OVCH1: variants seen among roughly 807,000 people sequenced by gnomAD.
The protein encoded by OVCH1 is ovochymase-1.
A neutral mutation model predicts 138.4 loss-of-function variants in OVCH1; 139 were observed. That is an observed-to-expected ratio of 1.00 (90% confidence interval 0.87 to 1.16). The LOEUF (loss-of-function observed/expected upper bound fraction) is 1.16, where lower values mean the gene tolerates loss of function less well. Ranked by LOEUF, OVCH1 falls within the 50% of genes most tolerant of loss-of-function variation. OVCH1 has a pLI of 0.00. For missense variants in OVCH1, 1,367 were observed against 1,357.9 expected (o/e 1.01, Z -0.11); for synonymous variants, 453 against 467.8 (o/e 0.97, Z 0.41).
rs1555151632 is a variant in OVCH1, at chr12:29,476,749, A to ATG, written c.1377+352_1377+353insCA. ...GCATTGCCAAGCAGCATAAGTACAC[A>ATG]CGCGCGCACACACACACACACACAC... is the stretch of plus-strand genomic sequence containing the variant. On this transcript the variant is annotated intron_variant, in intron 12 of 27. Coordinates refer to ENST00000318184, the Ensembl canonical transcript of OVCH1. Among the ~76,000 whole-genome samples, 12 of 17,200 alleles carry ATG rather than the reference A, an allele frequency of 7.0e-4. 1 individual carries two copies. In the East Asian group the frequency reaches 0.015, roughly 22 times the overall value. 11.3% of individuals were successfully genotyped at this position (17,200 alleles called of 152,430 possible).
downstream of OVCH1, chr12:29,425,850 A>C (rs1278563181): frequency 1.0e-5 from 1 of 95,764 alleles, no homozygotes; most frequent in African/African-American, 6.9e-5. Context: ...TATATTTAAA[A>C]AGAATTATGA....
At chr12:29,436,090 AATT>A (rs1208080744) in intron 26 of OVCH1, among the ~76,000 whole-genome samples, 5 of 152,074 alleles carry the variant, frequency 3.3e-5, no homozygotes, top group Non-Finnish European at 5.9e-5. Flanking sequence ...TTATTTTAAA[AATT>A]ATGTGACAAT....
At chr12:29,441,267 CAG>C (rs1228454202) in intron 25 of OVCH1, among the ~76,000 whole-genome samples, 2 of 152,148 alleles carry the variant, frequency 1.3e-5, no homozygotes, top group Non-Finnish European at 2.9e-5. Flanking sequence ...GGTACCAAAA[CAG>C]AGATATAGAT....
chr12:29,414,151 G>A (rs1033972947), intron 3 of OVCH1, among the ~76,000 whole-genome samples: 3 of 151,068 alleles, frequency 2.0e-5, no homozygotes, highest in Non-Finnish European at 4.4e-5. Context: ...TCAGTCTCCC[G>A]AGTAGCTGGG....
At chr12:29,414,211 A>T (rs1941002614) in intron 3 of OVCH1, among the ~76,000 whole-genome samples, 1 of 152,036 alleles carries the variant, frequency 6.6e-6, no homozygotes, top group Non-Finnish European at 1.5e-5. Flanking sequence ...TTTTTAGTAT[A>T]GATGGTGTTT....
At chr12:29,444,147 C>T in exon 24 of OVCH1, 1 of 1,604,764 alleles carries the variant, frequency 6.2e-7, no homozygotes, top group Non-Finnish European at 8.5e-7. Flanking sequence ...TTCCTTACCC[C>T]ATAGTAGTTC....
At chr12:29,452,627 G>A (rs1168822607) in intron 21 of OVCH1, among the ~76,000 whole-genome samples, 1 of 152,184 alleles carries the variant, frequency 6.6e-6, no homozygotes, top group Non-Finnish European at 1.5e-5. Flanking sequence ...TTCAGAGTCT[G>A]GCCTCAGCCT....
rs377667755 is a variant in OVCH1 at position 29,445,123 on chromosome 12, T to C, written c.2881+155A>G. On this transcript the variant is annotated intron_variant, in intron 23 of 27. Transcript: ENST00000318184. ...TTCCCTTTTGGACCTGATCAAATCT[T>C]AGGTGACTTAAGTAGATTTTCCTTT... 2.2e-4 allele frequency among the ~76,000 whole-genome samples: 34 copies of C among 152,282 alleles called. No homozygotes were observed. The East Asian group carries it at 5.0e-3, about 22-fold the overall frequency.
At chr12:29,424,358 A>G (rs1941148977), downstream of OVCH1, among the ~76,000 whole-genome samples, 2 of 152,232 alleles carry the variant, frequency 1.3e-5, no homozygotes, top group South Asian at 4.1e-4. Context: ...CAGTAAACTC[A>G]CAACCTTCCA....
chr12:29,466,618 A>T (rs898811652), intron 16 of OVCH1, among the ~76,000 whole-genome samples: 2 of 152,220 alleles, frequency 1.3e-5, no homozygotes, highest in African/African-American at 2.4e-5. Context: ...AAGAGGCACA[A>T]GGGCGGCTGC....
intron 3 of OVCH1, among the ~76,000 whole-genome samples, chr12:29,419,117 C>T (rs1398869367): frequency 6.6e-6 from 1 of 152,100 alleles, no homozygotes; most frequent in Non-Finnish European, 1.5e-5. Context: ...CTTCATTTCC[C>T]AAAGTGCTAG....
rs1435193314 is a variant in OVCH1, at chr12:29,477,074, G to A, written c.1377+28C>T. ...TAACTAACGTAACTCTATTCTTTAT[G>A]AGGTAGAGCGATTCCTCAGTTGCCT... On this transcript the variant is annotated intron_variant, in intron 12 of 27. Coordinates refer to ENST00000318184, the Ensembl canonical transcript of OVCH1. The A allele has an allele frequency of 1.9e-6, 3 of 1,555,454 alleles. No homozygotes were observed. The East Asian group carries it at 6.8e-5, about 35-fold the overall frequency.
intron 16 of OVCH1, among the ~76,000 whole-genome samples, chr12:29,466,273 G>A (rs12314964): frequency 0.038 from 5,796 of 151,858 alleles, 331 homozygotes; most frequent in African/African-American, 0.13. Context: ...AAAATCATAA[G>A]GAAGAGAAAA....
chr12:29,474,378 T>C (rs555636434), intron 14 of OVCH1, among the ~76,000 whole-genome samples: 5 of 152,086 alleles, frequency 3.3e-5, no homozygotes, highest in Non-Finnish European at 7.3e-5. Flanking sequence ...CTTCCCTCAC[T>C]GGTGAGAGGA....
chr12:29,496,532 A>T (rs1293290904), intron 2 of OVCH1, 24 bp downstream of exon 2: 1 of 1,522,748 alleles, frequency 6.6e-7, no homozygotes, highest in South Asian at 1.2e-5. Context: ...CTCATTAAGA[A>T]ATCAATGCCT....
At chr12:29,428,839 A>T (rs1337446481) in intron 27 of OVCH1, among the ~76,000 whole-genome samples, 1 of 152,222 alleles carries the variant, frequency 6.6e-6, no homozygotes, top group Non-Finnish European at 1.5e-5. Flanking sequence ...TTGATGCAAT[A>T]CTCAATTACA....
At chr12:29,495,329 C>A (rs187268767) in exon 4 of OVCH1, 357 of 1,612,984 alleles carry the variant, frequency 2.2e-4, no homozygotes, top group Non-Finnish European at 1.3e-4. Context: ...AATATCAGGA[C>A]TCATATATTC....
chr12:29,435,976 C>T (rs1941351255), intron 26 of OVCH1, among the ~76,000 whole-genome samples: 1 of 152,042 alleles, frequency 6.6e-6, no homozygotes, highest in South Asian at 2.1e-4. Flanking sequence ...TAAAGATGTC[C>T]AATTAAACAT....
At chr12:29,443,483 A>G (rs1323873060) in exon 25 of OVCH1, 2 of 1,603,598 alleles carry the variant, frequency 1.2e-6, no homozygotes, top group Admixed American at 1.7e-5. Context: ...TAAAGGGGCT[A>G]CTAATCTCCA....
Sources: allele counts gnomAD v4.1 joint callset (sites outside exome capture counted in the v4.1 genomes callset), GRCh38; gene constraint gnomAD v4.1.1; transcripts MANE v1.5; gene names NCBI Gene and HGNC (gene_info 2026-07-23, HGNC 2026-07-21).